The following TBC1D1 variants were observed in gnomAD, a reference collection of about 807,000 sequenced individuals.
TBC1D1 encodes TBC1 (tre-2/USP6, BUB2, cdc16) domain family, member 1.
In TBC1D1, 89 loss-of-function variants were observed where a neutral mutation model predicts 125.6. That is an observed-to-expected ratio of 0.71 (90% CI 0.60 to 0.85). The LOEUF (loss-of-function observed/expected upper bound fraction) is 0.85. TBC1D1 is among the 40% of genes least tolerant of loss of function. TBC1D1 has a pLI of 0.00. For synonymous variants in TBC1D1, 565 were observed against 564.1 expected (o/e 1.00, Z -0.02); for missense variants, 1,377 against 1,469.2 (o/e 0.94, Z 1.03).
Position 37,977,301 on chromosome 4 carries a change from T to A in TBC1D1, c.418-37208T>A, listed in dbSNP as rs572684168. The stretch of plus-strand genomic sequence containing the variant: ...CTCTCCCCTCCCACTTCCCTTTCTC[T>A]GCCTGGCCGCCCCGCGGGCGCGACC... On this transcript the variant is annotated intron_variant, in intron 2 of 19. Transcript: ENST00000261439. This position sits in a 1 kb window ranked among gnomAD's most constrained non-coding sequence, Gnocchi z 4.3. 9.3e-4 allele frequency: 129 copies of A among 138,760 alleles called. 6 individuals carry two copies. In the South Asian group the frequency reaches 0.027, roughly 29 times the overall value. The allele number at this position is 138,760 out of a possible 1,614,324, so 8.6% of individuals were successfully genotyped here.
chr4:38,132,900 C>G (rs1765831718), intron 18 of TBC1D1, 184 bp from the exon 21 acceptor site: 1 of 367,876 alleles, frequency 2.7e-6, no homozygotes, highest in Non-Finnish European at 5.0e-6. Context: ...ATCCTTTTGT[C>G]CCAAGTAAAA....
chr4:37,923,110 C>A (rs1279744614), intron 2 of TBC1D1, among the ~76,000 whole-genome samples: 1 of 152,086 alleles, frequency 6.6e-6, no homozygotes, highest in Non-Finnish European at 1.5e-5. Context: ...TCCCCTAGCC[C>A]CCCACCCCTT....
At position 38,050,003 on chromosome 4, in the gene TBC1D1, C is replaced by T. The variant is rs1750202008; in HGVS notation, c.1910+105C>T. The T allele has an allele frequency of 3.0e-6, 4 of 1,313,072 alleles. No individual in the cohort carries two copies. The East Asian group carries it at 9.4e-5, about 31-fold the overall frequency. 81.3% of individuals were successfully genotyped at this position (1,313,072 alleles called of 1,614,324 possible). A position where few individuals can be genotyped will look rare whatever the true frequency, so the allele number is the denominator to read the frequency against. On this transcript the variant is annotated intron_variant, in intron 11 of 19. Transcript: ENST00000261439. ...TATTGAGTGAGAGAAATGAGTCAGG[C>T]TTTACTCTTGGTTTGGAGATAAAAC...
intron 12 of TBC1D1, among the ~76,000 whole-genome samples, chr4:38,073,172 G>T (rs1035053438): frequency 6.6e-6 from 1 of 152,200 alleles, no homozygotes; most frequent in African/African-American, 2.4e-5. Context: ...TCATAGTGTA[G>T]TTCTGTGAGT....
chr4:38,040,836 C>T (rs1195018111), intron 8 of TBC1D1, among the ~76,000 whole-genome samples: 1 of 152,178 alleles, frequency 6.6e-6, no homozygotes, highest in Non-Finnish European at 1.5e-5. Flanking sequence ...CCCTGTGGCG[C>T]GTAGCATTTA....
At chr4:38,094,597 G>A (rs1560777647) in intron 13 of TBC1D1, among the ~76,000 whole-genome samples, 1 of 152,192 alleles carries the variant, frequency 6.6e-6, no homozygotes, top group South Asian at 2.1e-4. Context: ...ACAGCAGGAT[G>A]TTTGTGGATT....
chr4:38,073,725 G>C (rs538699922), intron 12 of TBC1D1, among the ~76,000 whole-genome samples: 1 of 152,206 alleles, frequency 6.6e-6, no homozygotes, highest in South Asian at 2.1e-4. Flanking sequence ...GCCCCACCTT[G>C]TAGTTAAGAG....
chr4:38,120,478 A>G (rs923907487), intron 17 of TBC1D1, among the ~76,000 whole-genome samples: 7 of 152,262 alleles, frequency 4.6e-5, no homozygotes, highest in Non-Finnish European at 1.0e-4. Flanking sequence ...TTCAGTCACT[A>G]TAGTCTTTTT....
chr4:37,908,123 G>A (rs1717732519), intron 2 of TBC1D1, among the ~76,000 whole-genome samples: 1 of 152,052 alleles, frequency 6.6e-6, no homozygotes, highest in African/African-American at 2.4e-5. Flanking sequence ...AGGTGGAGAA[G>A]TGCAGGCTGG....
intron 6 of TBC1D1, among the ~76,000 whole-genome samples, chr4:38,024,470 T>C (rs1744676606): frequency 6.6e-6 from 1 of 152,180 alleles, no homozygotes; most frequent in Admixed American, 6.5e-5. Context: ...TTGATCAGGG[T>C]AGGGATTTTG....
At position 37,973,849 on chromosome 4, in the gene TBC1D1, A is replaced by G. The variant is rs143742050; in HGVS notation, c.418-40660A>G. Among the ~76,000 whole-genome samples the G allele has an allele frequency of 4.7e-3, 711 of 152,310 alleles. 4 individuals are homozygous for G. Among genetic ancestry groups the G allele is most frequent in the African/African-American group, 0.016 (683 of 41,578 alleles). On this transcript the variant is annotated intron_variant, in intron 2 of 19. Coordinates refer to ENST00000261439, the MANE Select transcript of TBC1D1 (RefSeq NM_015173.4). ...AATCTCATCTACTAGTGCTTCTCAAACTTTAATGAGTATACCAGTCACCTG... is the reference window on the plus strand; with the variant it reads ...AATCTCATCTACTAGTGCTTCTCAAGCTTTAATGAGTATACCAGTCACCTG...
Position 37,975,363 on chromosome 4 carries a change from C to T in TBC1D1, c.418-39146C>T, listed in dbSNP as rs367604599. Among the ~76,000 whole-genome samples, 47 of 152,324 alleles carry T rather than the reference C, an allele frequency of 3.1e-4. No homozygotes were observed. The East Asian group carries it at 7.5e-3, about 24-fold the overall frequency. On this transcript the variant is annotated intron_variant, in intron 2 of 19. Coordinates refer to ENST00000261439, the MANE Select transcript of TBC1D1 (RefSeq NM_015173.4). The stretch of plus-strand genomic sequence containing the variant: ...GCAGAACCAGGTGTACAGGATGGAA[C>T]GTGAAGGCAGACTAAGAGCGTGACC...
intron 2 of TBC1D1, among the ~76,000 whole-genome samples, chr4:37,930,464 A>T (rs181508120): frequency 1.5e-3 from 221 of 151,590 alleles, no homozygotes; most frequent in African/African-American, 5.0e-3. Context: ...TGGGATTACA[A>T]GTGTGAGCCA....
At chr4:38,054,040 A>ATG (rs1449582361) in intron 11 of TBC1D1, among the ~76,000 whole-genome samples, 159 bp from the exon 14 acceptor site, 1 of 152,274 alleles carries the variant, frequency 6.6e-6, no homozygotes, top group African/African-American at 2.4e-5. Context: ...TTCTTTAGGA[A>ATG]TGATGACCCA....
At chr4:37,948,677 A>G (rs945067445) in intron 2 of TBC1D1, among the ~76,000 whole-genome samples, 6 of 151,886 alleles carry the variant, frequency 4.0e-5, no homozygotes, top group Non-Finnish European at 8.8e-5. Context: ...AGTGGGTTTT[A>G]GTATATTCAC....
chr4:37,914,926 C>A (rs1719392493), intron 2 of TBC1D1, among the ~76,000 whole-genome samples: 1 of 152,250 alleles, frequency 6.6e-6, no homozygotes, highest in Non-Finnish European at 1.5e-5. Flanking sequence ...TAAGCAATAT[C>A]ACTTCATCCA....
chr4:38,028,419 C>T (rs1443832545), intron 7 of TBC1D1, among the ~76,000 whole-genome samples: 1 of 152,226 alleles, frequency 6.6e-6, no homozygotes, highest in African/African-American at 2.4e-5. Context: ...CTGCCTTGGC[C>T]TCCCAAAGTG....
intron 8 of TBC1D1, among the ~76,000 whole-genome samples, chr4:38,040,306 T>C (rs1748094509): frequency 6.6e-6 from 1 of 152,192 alleles, no homozygotes; most frequent in South Asian, 2.1e-4. Flanking sequence ...TCTTTTTTGT[T>C]GGAGACAGAG....
chr4:37,931,913 G>A (rs1723344765), intron 2 of TBC1D1, among the ~76,000 whole-genome samples: 1 of 152,170 alleles, frequency 6.6e-6, no homozygotes, highest in Admixed American at 6.5e-5. Flanking sequence ...TGGTAACTGA[G>A]CAGAATAGAG....
Sources: allele counts gnomAD v4.1 joint callset (sites outside exome capture counted in the v4.1 genomes callset), GRCh38; gene constraint gnomAD v4.1.1; non-coding constraint Gnocchi (gnomAD v3.1); transcripts MANE v1.5; gene names NCBI Gene and HGNC (gene_info 2026-07-23, HGNC 2026-07-21).